Variants in ZSCAN4 observed in about 807,000 individuals in gnomAD.
ZSCAN4 encodes the protein zinc finger and SCAN domain-containing protein 4.
In ZSCAN4, 18 loss-of-function variants were observed where a neutral mutation model predicts 18.3. The observed-to-expected ratio is 0.98, with a 90% CI of 0.68 to 1.46. ZSCAN4 has a LOEUF of 1.46. Ranked by LOEUF, ZSCAN4 falls within the 40% of genes most tolerant of loss-of-function variation. The pLI, the probability that ZSCAN4 is intolerant of heterozygous loss-of-function variation, is 0.00. For synonymous variants in ZSCAN4, 193 were observed against 180.3 expected (o/e 1.07, Z -0.57); for missense variants, 498 against 511.4 (o/e 0.97, Z 0.25).
exon 3 of ZSCAN4, chr19:57,676,059 C>T (rs1984170638): frequency 7.6e-7 from 1 of 1,312,462 alleles, no homozygotes; most frequent in Admixed American, 2.5e-5. Flanking sequence ...TTTAAAGAAT[C>T]CACCAACTGT....
chr19:57,672,850 C>A (rs1166700163), intron 2 of ZSCAN4, among the ~76,000 whole-genome samples: 2 of 152,068 alleles, frequency 1.3e-5, no homozygotes, highest in Non-Finnish European at 2.9e-5. Context: ...GATATGCCCA[C>A]CTCTGCCTCC....
chr19:57,666,918 C>T (rs369244378), upstream of ZSCAN4, among the ~76,000 whole-genome samples: 6 of 122,266 alleles, frequency 4.9e-5, no homozygotes, highest in East Asian at 2.3e-4. Flanking sequence ...TATTATTATT[C>T]TAATTGAAAT....
upstream of ZSCAN4, among the ~76,000 whole-genome samples, chr19:57,668,698 C>G (rs1275373745): frequency 1.3e-5 from 2 of 152,196 alleles, no homozygotes; most frequent in Non-Finnish European, 2.9e-5. Flanking sequence ...CCAGGCGCTT[C>G]TCACCATTTT....
the ZSCAN4 span, among the ~76,000 whole-genome samples, chr19:57,662,067 C>T: frequency 3.1e-5 from 4 of 127,750 alleles, no homozygotes; most frequent in East Asian, 2.2e-4. Context: ...GCCAACAGAG[C>T]GAGACTCTGT....
At chr19:57,675,708 G>A (rs185666675) in intron 2 of ZSCAN4, among the ~76,000 whole-genome samples, 35 of 152,280 alleles carry the variant, frequency 2.3e-4, no homozygotes, top group Admixed American at 1.4e-3. Context: ...TCCCGTTAAC[G>A]AAGTAAATTG....
exon 5 of ZSCAN4, chr19:57,678,761 T>C (rs1359262962): frequency 3.1e-6 from 5 of 1,613,984 alleles, no homozygotes; most frequent in Non-Finnish European, 4.2e-6. Context: ...TGCGGTCTCA[T>C]GAGAGAATCC....
At chr19:57,663,380 C>T in the ZSCAN4 span, among the ~76,000 whole-genome samples, 3 of 150,830 alleles carry the variant, frequency 2.0e-5, no homozygotes, top group East Asian at 3.9e-4. Flanking sequence ...AATGGTAGAC[C>T]TTTATGTCAG....
intron 2 of ZSCAN4, among the ~76,000 whole-genome samples, chr19:57,671,239 C>A (rs537302125): frequency 6.6e-6 from 1 of 152,020 alleles, no homozygotes; most frequent in Non-Finnish European, 1.5e-5. Context: ...AGGATACAGA[C>A]CCAGACCTGA....
the ZSCAN4 span, among the ~76,000 whole-genome samples, chr19:57,662,058 C>A: frequency 6.9e-6 from 1 of 145,156 alleles, no homozygotes; most frequent in Non-Finnish European, 1.5e-5. Flanking sequence ...TCCAGCCTGG[C>A]CAACAGAGCG....
chr19:57,653,603 G>A, the ZSCAN4 span, among the ~76,000 whole-genome samples: 10 of 152,172 alleles, frequency 6.6e-5, no homozygotes, highest in South Asian at 2.1e-4. Context: ...TAATCAAAGT[G>A]GCCTTCAAAG....
At chr19:57,678,700 A>G in exon 5 of ZSCAN4, 1 of 1,614,200 alleles carries the variant, frequency 6.2e-7, no homozygotes, top group Non-Finnish European at 8.5e-7. Context: ...ACAGGAAAGA[A>G]GCCTTTCACA....
chr19:57,670,865 A>ATTT (rs1983997549), intron 2 of ZSCAN4, among the ~76,000 whole-genome samples: 1 of 111,162 alleles, frequency 9.0e-6, no homozygotes. Flanking sequence ...TGTTCTAGTA[A>ATTT]TTCTTTTTTT....
exon 3 of ZSCAN4, chr19:57,676,372 A>G: frequency 6.2e-7 from 1 of 1,614,236 alleles, no homozygotes; most frequent in Non-Finnish European, 8.5e-7. Flanking sequence ...CTGCAACCAG[A>G]AAAGCACAGC....
chr19:57,663,255 CA>C, the ZSCAN4 span, among the ~76,000 whole-genome samples: 1 of 147,952 alleles, frequency 6.8e-6, no homozygotes, highest in East Asian at 2.0e-4. Flanking sequence ...AGACCTGAGG[CA>C]AAAAAAAATC....
chr19:57,668,098 TTCA>T (rs1186151096), upstream of ZSCAN4, among the ~76,000 whole-genome samples: 3 of 151,894 alleles, frequency 2.0e-5, no homozygotes, highest in Non-Finnish European at 4.4e-5. Flanking sequence ...GAGACGAGGT[TTCA>T]TCATGTTGGC....
chr19:57,655,416 C>T, the ZSCAN4 span, among the ~76,000 whole-genome samples: 1 of 152,178 alleles, frequency 6.6e-6, no homozygotes, highest in Non-Finnish European at 1.5e-5. Flanking sequence ...TGTTCTTGGG[C>T]TACTCTGTCA....
chr19:57,678,438 G>C (rs1160178802), exon 5 of ZSCAN4: 3 of 1,614,112 alleles, frequency 1.9e-6, no homozygotes, highest in Non-Finnish European at 2.5e-6. Flanking sequence ...CTCTCAACCA[G>C]AGCAGTCCTC....
At chr19:57,657,293 C>CAAAAAAAAAAAAA in the ZSCAN4 span, among the ~76,000 whole-genome samples, 1 of 95,046 alleles carries the variant, frequency 1.1e-5, no homozygotes, top group Non-Finnish European at 2.3e-5. Flanking sequence ...GACTCCATGT[C>CAAAAAAAAAAAAA]AAAAAAAAAA....
the ZSCAN4 span, among the ~76,000 whole-genome samples, chr19:57,656,337 TG>T: frequency 6.6e-6 from 1 of 152,216 alleles, no homozygotes; most frequent in Non-Finnish European, 1.5e-5. Flanking sequence ...AAACTAACAC[TG>T]GGGCTACCCA....
Sources: gnomAD v4.1 joint callset for allele counts (sites outside exome capture counted in the v4.1 genomes callset) on GRCh38, gnomAD v4.1.1 for gene constraint, MANE v1.5 for transcripts, NCBI Gene and HGNC (gene_info 2026-07-23, HGNC 2026-07-21) for gene names.